TAFA2: variants seen among roughly 807,000 people sequenced by gnomAD.
TAFA2 encodes chemokine-like protein TAFA-2.
In TAFA2, 7 loss-of-function variants were observed where a neutral mutation model predicts 18.8. The ratio of observed to expected loss-of-function variants is 0.37; its 90% CI spans 0.21 to 0.70. The LOEUF (loss-of-function observed/expected upper bound fraction) is 0.70, where lower values mean the gene tolerates loss of function less well. Among genes scored for constraint, TAFA2 ranks in the 30% least tolerant of loss-of-function variants. TAFA2 has a pLI of 0.53. For missense variants in TAFA2, 122 were observed against 158.1 expected, an observed-to-expected ratio of 0.77 and a Z score of 1.23; for synonymous variants, 60 against 54.2, an observed-to-expected ratio of 1.11 and a Z score of -0.47.
At chr12:62,247,542 G>C (rs769688914) in intron 1 of TAFA2, among the ~76,000 whole-genome samples, 11 of 152,064 alleles carry the variant, frequency 7.2e-5, no homozygotes, top group Non-Finnish European at 1.2e-4. Flanking sequence ...GTACAAAACC[G>C]CATTTTTTTA....
At chr12:61,977,729 G>A (rs1879487096) in intron 1 of TAFA2, among the ~76,000 whole-genome samples, 1 of 152,018 alleles carries the variant, frequency 6.6e-6, no homozygotes, top group Non-Finnish European at 1.5e-5. Flanking sequence ...GCTTCCTACA[G>A]TATGAAACCA....
At chr12:61,788,605 G>T (rs879325168) in intron 2 of TAFA2, among the ~76,000 whole-genome samples, 1 of 151,408 alleles carries the variant, frequency 6.6e-6, no homozygotes, top group Non-Finnish European at 1.5e-5. Flanking sequence ...AAACATCAAC[G>T]GAATAAAGAA....
rs1592344910 is a variant in TAFA2, at chr12:62,114,894, C to T, written c.-2+76365G>A. Among the ~76,000 whole-genome samples, 3 of 152,258 alleles carry T rather than the reference C, an allele frequency of 2.0e-5. No homozygotes were observed. In the East Asian group the frequency reaches 5.8e-4, roughly 29 times the overall value. On this transcript the variant is annotated intron_variant, in intron 1 of 4. Coordinates refer to ENST00000416284, the MANE Select transcript of TAFA2 (RefSeq NM_178539.5). ...CACCAAGGGTCCCCAAAGATTCCTC[C>T]AATAACTCAATTTTTATTAGTAATT...
chr12:62,241,317 G>A (rs2062861868), intron 1 of TAFA2, among the ~76,000 whole-genome samples: 1 of 152,034 alleles, frequency 6.6e-6, no homozygotes, highest in Admixed American at 6.6e-5. Context: ...AATTTTTCTT[G>A]GCTGCTAATC....
chr12:61,926,999 C>T (rs1399442717), intron 1 of TAFA2, among the ~76,000 whole-genome samples: 1 of 149,038 alleles, frequency 6.7e-6, no homozygotes, highest in East Asian at 2.0e-4. Flanking sequence ...TGGTTGAACC[C>T]AGGGGGCGGA....
chr12:62,044,594 T>C (rs963846698), intron 1 of TAFA2, among the ~76,000 whole-genome samples: 3 of 152,124 alleles, frequency 2.0e-5, no homozygotes, highest in Admixed American at 6.6e-5. Context: ...GATTTTCAAC[T>C]CAGGCTCCTG....
intron 1 of TAFA2, among the ~76,000 whole-genome samples, chr12:62,172,046 T>C (rs2062481397): frequency 6.6e-6 from 1 of 152,198 alleles, no homozygotes; most frequent in African/African-American, 2.4e-5. Flanking sequence ...ATTTTTAGTA[T>C]AACTAGAAAC....
chr12:61,916,377 G>A (rs984540151), intron 1 of TAFA2, among the ~76,000 whole-genome samples: 23 of 152,200 alleles, frequency 1.5e-4, no homozygotes, highest in African/African-American at 4.8e-4. Context: ...TACACTCCTC[G>A]ACGGTTGATT....
At chr12:62,236,380 T>A (rs1000864809) in intron 1 of TAFA2, among the ~76,000 whole-genome samples, 1 of 151,724 alleles carries the variant, frequency 6.6e-6, no homozygotes, top group Non-Finnish European at 1.5e-5. Context: ...TTCTCCTGCC[T>A]CAGCCTCCCC....
rs1020937380 is a variant in TAFA2, at chr12:62,100,169, A to T, written c.-2+91090T>A. Among the ~76,000 whole-genome samples, 4 of 151,438 alleles carry T rather than the reference A, an allele frequency of 2.6e-5. No homozygotes were observed. The East Asian group carries it at 5.8e-4, about 22-fold the overall frequency. On this transcript the variant is annotated intron_variant, in intron 1 of 4. Transcript: ENST00000416284. The stretch of plus-strand genomic sequence containing the variant: ...CACACACACACACACACACACACAC[A>T]CAGCCCTTCAAGTTTGTTCTTTCAA...
chr12:62,116,706 T>C (rs1869977883), intron 1 of TAFA2, among the ~76,000 whole-genome samples: 1 of 151,052 alleles, frequency 6.6e-6, no homozygotes, highest in South Asian at 2.1e-4. Flanking sequence ...GAACGGGACC[T>C]GGAAAACAGC....
chr12:62,247,660 T>C (rs2062893281), intron 1 of TAFA2, among the ~76,000 whole-genome samples: 1 of 152,242 alleles, frequency 6.6e-6, no homozygotes, highest in Non-Finnish European at 1.5e-5. Context: ...CACAGTGATA[T>C]ATTTTTTCCT....
chr12:62,201,813 G>T (rs988899776), intron 1 of TAFA2, among the ~76,000 whole-genome samples: 6 of 152,164 alleles, frequency 3.9e-5, no homozygotes, highest in Admixed American at 3.9e-4. Context: ...CAGAAGAAAT[G>T]GTACCAGTGC....
chr12:61,710,407 T>TA lies in TAFA2; in HGVS notation c.394dup (p.Ter132LeufsTer12). 2 of 1,608,876 alleles carry TA rather than the reference T, an allele frequency of 1.2e-6. No individual in the cohort carries two copies. Among genetic ancestry groups the TA allele is most frequent in the Non-Finnish European group, 1.7e-6 (2 of 1,175,512 alleles). ...GAGGATCACTTGATTTCTCCTGGGT[T>TA]AATGGGTTACCTACAAAGGAAGGAG... On this transcript the variant is annotated frameshift_variant and stop_lost, in exon 5 of 5. Transcript: ENST00000416284. LOFTEE classifies it high-confidence loss of function.
intron 1 of TAFA2, among the ~76,000 whole-genome samples, chr12:61,883,881 T>C (rs1382451023): frequency 6.6e-6 from 1 of 152,196 alleles, no homozygotes; most frequent in Non-Finnish European, 1.5e-5. Flanking sequence ...AACTCATGAC[T>C]GAATGAACAG....
intron 2 of TAFA2, among the ~76,000 whole-genome samples, chr12:61,839,618 G>A (rs1266631601): frequency 2.0e-5 from 3 of 152,000 alleles, no homozygotes; most frequent in Non-Finnish European, 4.4e-5. Flanking sequence ...GCATCTAGAA[G>A]CCATTATTCT....
At chr12:61,935,610 T>A (rs553172939) in intron 1 of TAFA2, among the ~76,000 whole-genome samples, 1 of 152,336 alleles carries the variant, frequency 6.6e-6, no homozygotes, top group South Asian at 2.1e-4. Flanking sequence ...AATTCTTCAG[T>A]ATGTTTATCA....
rs200498917 is a variant in TAFA2 at position 62,175,801 on chromosome 12, AT to A, written c.-2+15457del. On this transcript the variant is annotated intron_variant, in intron 1 of 4. Coordinates refer to ENST00000416284, the MANE Select transcript of TAFA2 (RefSeq NM_178539.5). ...TTAAGGCGAATTATCAACAATTACT[AT>A]TCCATTATATAAGCAACAATTCTAA... 8.1e-3 allele frequency among the ~76,000 whole-genome samples: 1,228 copies of A among 152,174 alleles called. 18 individuals are homozygous for A. Among genetic ancestry groups the A allele is most frequent in the African/African-American group, 0.028 (1,184 of 41,546 alleles).
At chr12:62,147,678 C>T (rs1364732775) in intron 1 of TAFA2, among the ~76,000 whole-genome samples, 4 of 137,970 alleles carry the variant, frequency 2.9e-5, no homozygotes, top group Non-Finnish European at 4.6e-5. Flanking sequence ...TGCAGTGAGC[C>T]AAGATCCCGC....
Sources: allele counts gnomAD v4.1 joint callset (sites outside exome capture counted in the v4.1 genomes callset), GRCh38; gene constraint gnomAD v4.1.1; transcripts MANE v1.5; gene names NCBI Gene and HGNC (gene_info 2026-07-23, HGNC 2026-07-21).